PCNX2: variants seen among roughly 807,000 people sequenced by gnomAD.
The protein encoded by PCNX2 is pecanex 2.
In PCNX2, 168 loss-of-function variants were observed where a neutral mutation model predicts 223.8. The observed-to-expected ratio is 0.75, with a 90% CI of 0.66 to 0.85. The LOEUF (loss-of-function observed/expected upper bound fraction) is 0.85. PCNX2 is among the 40% of genes least tolerant of loss of function. The pLI is 0.00. For synonymous variants in PCNX2, 1,006 were observed against 1,052.6 expected (o/e 0.96, Z 0.86); for missense variants, 2,507 against 2,675.5 (o/e 0.94, Z 1.39).
At chr1:233,051,369 G>A (rs992235854) in intron 25 of PCNX2, among the ~76,000 whole-genome samples, 7 of 151,846 alleles carry the variant, frequency 4.6e-5, no homozygotes, top group African/African-American at 9.7e-5. Context: ...AAAATAAATC[G>A]TTATACCAAA....
chr1:233,238,849 T>C (rs758265651), intron 8 of PCNX2, among the ~76,000 whole-genome samples: 1 of 152,210 alleles, frequency 6.6e-6, no homozygotes, highest in Non-Finnish European at 1.5e-5. Flanking sequence ...ACGTAGAGTT[T>C]GAAAACTTAA....
intron 22 of PCNX2, among the ~76,000 whole-genome samples, chr1:233,091,330 T>C (rs1341087622): frequency 6.6e-6 from 1 of 152,136 alleles, no homozygotes; most frequent in Non-Finnish European, 1.5e-5. Context: ...GCAAAAGTTC[T>C]GTCAGAGAGT....
intron 8 of PCNX2, among the ~76,000 whole-genome samples, chr1:233,248,650 G>A (rs1043544922): frequency 7.9e-5 from 12 of 152,004 alleles, no homozygotes; most frequent in Admixed American, 5.9e-4. Flanking sequence ...TTACATCACC[G>A]CAAAATCCCC....
chr1:232,988,950 G>A (rs930030516), intron 32 of PCNX2, among the ~76,000 whole-genome samples: 2 of 152,220 alleles, frequency 1.3e-5, no homozygotes, highest in African/African-American at 4.8e-5. Context: ...GGCCTGGGGA[G>A]AGGAGTTCTG....
rs199851825 is a variant in PCNX2, at chr1:233,014,756, C to T, written c.4861G>A (p.Asp1621Asn). The T allele has an allele frequency of 3.2e-5, 52 of 1,613,906 alleles. No individual in the cohort carries two copies. Among genetic ancestry groups the T allele is most frequent in the Admixed American group, 1.8e-4 (11 of 60,026 alleles). ...RQEPSTTLDS[D>N]EDSPLVTLSF... ...AGAGTCACCAAGGGAGAGTCCTCGT[C>T]ACTGTCCAGGGTCGTTGAAGGCTGA... The change falls in exon 28 of 34, where the codon GAC (aspartate) becomes AAC (asparagine). Residue 1621 changes from aspartate to asparagine, a missense_variant. This residue lies in a region of PCNX2 where 1,372 missense variants were observed against 1,509.4 expected (regional missense o/e 0.91). Coordinates refer to ENST00000258229, the MANE Select transcript of PCNX2 (RefSeq NM_014801.4).
rs999159941 is a variant in PCNX2 at position 233,288,979 on chromosome 1, G to A, written c.153+6347C>T. ...TTGTTCTGCTGTGCTTTGTCCAAATGAACCTTCATGAGCCGGCTGCCATCT... is the reference window on the plus strand; with the variant it reads ...TTGTTCTGCTGTGCTTTGTCCAAATAAACCTTCATGAGCCGGCTGCCATCT... On this transcript the variant is annotated intron_variant, in intron 1 of 33. Transcript: ENST00000258229. 18 of 1,515,588 alleles carry A rather than the reference G, an allele frequency of 1.2e-5. No homozygotes were observed. The African/African-American group carries it at 2.3e-4, about 20-fold the overall frequency. The allele number at this position is 1,515,588 out of a possible 1,614,324, so 93.9% of individuals were successfully genotyped here.
intron 19 of PCNX2, among the ~76,000 whole-genome samples, chr1:233,146,423 CT>C: frequency 6.6e-6 from 1 of 152,164 alleles, no homozygotes. Context: ...AAAAAAGTAA[CT>C]AGCGTATTAA....
In PCNX2 at chr1:233,225,110, T is replaced by TTAA. The variant is rs781425714; in HGVS notation, c.2504+2115_2504+2116insTTA. ...CTGCACATGTATCCCAGAACTAAAG[T>TTAA]AAAAAAAAAAAAAAAAAAAAAAAAA... On this transcript the variant is annotated intron_variant, in intron 10 of 33. Coordinates refer to ENST00000258229, the MANE Select transcript of PCNX2 (RefSeq NM_014801.4). 5.2e-4 allele frequency among the ~76,000 whole-genome samples: 22 copies of TTAA among 42,226 alleles called. 1 individual carries two copies. Among genetic ancestry groups the TTAA allele is most frequent in the Non-Finnish European group, 7.0e-4 (16 of 22,702 alleles). 27.7% of individuals were successfully genotyped at this position (42,226 alleles called of 152,430 possible).
intron 23 of PCNX2, among the ~76,000 whole-genome samples, chr1:233,064,394 G>A (rs1314767566): frequency 6.6e-6 from 1 of 152,098 alleles, no homozygotes; most frequent in Non-Finnish European, 1.5e-5. Context: ...ATGGAGACTT[G>A]TCCCCACTCT....
intron 14 of PCNX2, 116 bp from the exon 15 acceptor site, chr1:233,199,146 A>T: frequency 1.1e-6 from 1 of 895,344 alleles, no homozygotes; most frequent in Non-Finnish European, 1.7e-6. Flanking sequence ...TGAAGGGGTA[A>T]ATAATACATC....
At position 232,999,151 on chromosome 1, in the gene PCNX2, T is replaced by C. The variant is rs1199944634; in HGVS notation, c.5557A>G (p.Ile1853Val). 9 of 1,613,690 alleles carry C rather than the reference T, an allele frequency of 5.6e-6. No homozygotes were observed. Among genetic ancestry groups the C allele is most frequent in the Non-Finnish European group, 7.6e-6 (9 of 1,179,782 alleles). ...RQLKNIWGGPITLDRIRTWFW... is the reference protein window; with the variant it reads ...RQLKNIWGGPVTLDRIRTWFW... ...CAGGTCCTAATTCTGTCCAAAGTGATGGGTCCACCCCAGATGTTCTTCAGC... is the reference window on the plus strand; with the variant it reads ...CAGGTCCTAATTCTGTCCAAAGTGACGGGTCCACCCCAGATGTTCTTCAGC... Residue 1853 changes from isoleucine (I) to valine (V), a missense_variant, in exon 31 of 34, where the codon ATC (isoleucine) becomes GTC (valine). By Grantham distance (29) the Ile-to-Val change is conservative (BLOSUM62 3). Transcript: ENST00000258229.
chr1:233,017,114 G>C lies in PCNX2; in HGVS notation c.4646C>G (p.Ser1549Cys). ...CAGAAGTGATTCATTTTTGATCCAGGAGAGGAGTTTGGGAGACGTTACCAT... is the reference window on the plus strand; with the variant it reads ...CAGAAGTGATTCATTTTTGATCCAGCAGAGGAGTTTGGGAGACGTTACCAT... The part of the protein sequence containing the change: ...YYMVTSPKLL[S>C]WIKNESLLKS... The change falls in exon 27 of 34, where the codon TCC becomes TGC. Residue 1549 changes from serine (S) to cysteine (C), a missense_variant. Coordinates refer to ENST00000258229, the MANE Select transcript of PCNX2 (RefSeq NM_014801.4). 6.4e-7 allele frequency: 1 copy of C among 1,551,892 alleles called. No individual in the cohort carries two copies. Among genetic ancestry groups the C allele is most frequent in the Non-Finnish European group, 8.7e-7 (1 of 1,152,796 alleles).
At position 233,139,853 on chromosome 1, in the gene PCNX2, C is replaced by T; in HGVS notation, c.3520G>A (p.Val1174Ile). ...KEYHQREVRDVAHLMWFERLY... is the reference protein window; with the variant it reads ...KEYHQREVRDIAHLMWFERLY... ...CTTTCGAACCACATTAAATGGGCAACATCTGAAAGAAATATAAAAACCACT... is the reference window on the plus strand; with the variant it reads ...CTTTCGAACCACATTAAATGGGCAATATCTGAAAGAAATATAAAAACCACT... The change falls in exon 20 of 34, where the codon GTT becomes ATT. Residue 1174 changes from valine (V) to isoleucine (I), a missense_variant and splice_region_variant. By Grantham distance (29) the Val-to-Ile change is conservative. Transcript: ENST00000258229. The surrounding 1 kb of genome is among the most constrained non-coding windows in gnomAD (Gnocchi z 4.4). 6.2e-7 allele frequency: 1 copy of T among 1,610,928 alleles called. No homozygotes were observed. Among genetic ancestry groups the T allele is most frequent in the Non-Finnish European group, 8.5e-7 (1 of 1,178,848 alleles).
chr1:233,022,695 C>CTTT (rs372153367), intron 26 of PCNX2, among the ~76,000 whole-genome samples: 8 of 128,680 alleles, frequency 6.2e-5, no homozygotes, highest in Non-Finnish European at 1.1e-4. Context: ...CTTTTTCTTT[C>CTTT]TTTTTTTTTT....
At chr1:233,282,991 C>G (rs1318322541) in intron 1 of PCNX2, among the ~76,000 whole-genome samples, 1 of 151,240 alleles carries the variant, frequency 6.6e-6, no homozygotes, top group Non-Finnish European at 1.5e-5. Context: ...GCATGTTACT[C>G]TGGCAGTACA....
intron 21 of PCNX2, among the ~76,000 whole-genome samples, chr1:233,101,077 G>C (rs1190752034): frequency 6.6e-6 from 1 of 152,186 alleles, no homozygotes; most frequent in Non-Finnish European, 1.5e-5. Flanking sequence ...GCTTGGAAAG[G>C]AGCAGACAAG....
chr1:233,136,423 A>G (rs902841669), intron 20 of PCNX2, among the ~76,000 whole-genome samples: 3 of 152,224 alleles, frequency 2.0e-5, no homozygotes, highest in African/African-American at 7.2e-5. Flanking sequence ...ACAATGTTGG[A>G]AATTCCGTAT....
chr1:233,017,862 T>C (rs1382503831), intron 26 of PCNX2, among the ~76,000 whole-genome samples: 5 of 152,210 alleles, frequency 3.3e-5, no homozygotes, highest in African/African-American at 9.6e-5. Context: ...CCATCCTTTC[T>C]GAGAAAAGCA....
intron 1 of PCNX2, among the ~76,000 whole-genome samples, chr1:233,285,547 T>C (rs1661406636): frequency 6.6e-6 from 1 of 151,958 alleles, no homozygotes; most frequent in South Asian, 2.1e-4. Flanking sequence ...TGGTGGTGCA[T>C]GCCTGTAATC....
Sources: gnomAD v4.1 joint callset for allele counts (sites outside exome capture counted in the v4.1 genomes callset) on GRCh38, gnomAD v4.1.1 for gene constraint, gnomAD v4.1.1 regional missense constraint, Gnocchi (gnomAD v3.1) non-coding constraint, MANE v1.5 for transcripts, NCBI Gene and HGNC (gene_info 2026-07-23, HGNC 2026-07-21) for gene names.